The following CCDC148 variants were observed in gnomAD, a reference collection of about 807,000 sequenced individuals.
CCDC148 encodes the protein coiled-coil domain containing 148, also known as coiled-coil domain-containing protein 148.
Under a neutral mutation model 85.7 loss-of-function variants are expected in CCDC148, and 89 were observed. The observed-to-expected ratio is 1.04, with a 90% CI of 0.87 to 1.24. The LOEUF is 1.24. Ranked by LOEUF, CCDC148 falls within the 50% of genes most tolerant of loss-of-function variation. The probability of loss-of-function intolerance (pLI) is 0.00; values close to 1 mark genes in which losing one functional copy is unlikely to be tolerated. For synonymous variants in CCDC148, 230 were observed against 213.9 expected (o/e 1.08, Z -0.66); for missense variants, 692 against 671.7 (o/e 1.03, Z -0.33).
chr2:158,443,517 A>G (rs1688033515), intron 1 of CCDC148, among the ~76,000 whole-genome samples: 1 of 151,248 alleles, frequency 6.6e-6, no homozygotes, highest in South Asian at 2.1e-4. Flanking sequence ...AAAAAAAAAA[A>G]AAAAAAGAAA....
chr2:158,225,034 T>G (rs1687424423), intron 10 of CCDC148, among the ~76,000 whole-genome samples: 1 of 152,188 alleles, frequency 6.6e-6, no homozygotes, highest in South Asian at 2.1e-4. Context: ...TGAAGACCCA[T>G]CAGTGTGCTG....
intron 11 of CCDC148, among the ~76,000 whole-genome samples, chr2:158,196,731 C>T (rs1044122212): frequency 1.3e-5 from 2 of 152,170 alleles, no homozygotes; most frequent in Non-Finnish European, 2.9e-5. Flanking sequence ...AATTTTACGT[C>T]TACTTTTTCT....
chr2:158,181,760 G>A (rs1252370498), intron 11 of CCDC148, among the ~76,000 whole-genome samples: 1 of 152,040 alleles, frequency 6.6e-6, no homozygotes, highest in Non-Finnish European at 1.5e-5. Context: ...GCAAAATAAG[G>A]TGCAGAGGGC....
At chr2:158,260,267 A>T (rs1212421495) in intron 9 of CCDC148, among the ~76,000 whole-genome samples, 1 of 152,002 alleles carries the variant, frequency 6.6e-6, no homozygotes, top group Non-Finnish European at 1.5e-5. Flanking sequence ...AAACCACATG[A>T]TTATCTCAAT....
At chr2:158,358,181 A>G (rs1038163948) in intron 2 of CCDC148, among the ~76,000 whole-genome samples, 1 of 152,192 alleles carries the variant, frequency 6.6e-6, no homozygotes, top group African/African-American at 2.4e-5. Context: ...GAAAGCCAAT[A>G]AAATAACTGT....
intron 9 of CCDC148, among the ~76,000 whole-genome samples, chr2:158,296,221 A>C (rs1230466671): frequency 6.6e-6 from 1 of 152,180 alleles, no homozygotes; most frequent in Non-Finnish European, 1.5e-5. Context: ...ATGTGGGTTT[A>C]TGATCCATTT....
At chr2:158,361,567 C>G (rs1683947874) in intron 1 of CCDC148, among the ~76,000 whole-genome samples, 1 of 152,096 alleles carries the variant, frequency 6.6e-6, no homozygotes, top group Non-Finnish European at 1.5e-5. Flanking sequence ...TCATATCCAG[C>G]CAAACTAAGC....
At chr2:158,226,757 C>A (rs889980869) in intron 10 of CCDC148, among the ~76,000 whole-genome samples, 3 of 152,032 alleles carry the variant, frequency 2.0e-5, no homozygotes, top group Non-Finnish European at 4.4e-5. Flanking sequence ...ATTCAACAGC[C>A]CTTCATGCTA....
chr2:158,282,446 C>G (rs1690371243), intron 9 of CCDC148, among the ~76,000 whole-genome samples: 3 of 152,176 alleles, frequency 2.0e-5, no homozygotes. Context: ...GATACAAAAT[C>G]AATGTACAAA....
intron 1 of CCDC148, among the ~76,000 whole-genome samples, chr2:158,432,367 A>C (rs1687396068): frequency 6.6e-6 from 1 of 152,196 alleles, no homozygotes; most frequent in African/African-American, 2.4e-5. Flanking sequence ...ACAATATGGT[A>C]TTTACAAAAA....
chr2:158,260,861 A>T (rs886768359), intron 9 of CCDC148, among the ~76,000 whole-genome samples: 3 of 152,076 alleles, frequency 2.0e-5, no homozygotes, highest in Non-Finnish European at 4.4e-5. Flanking sequence ...CAAGGAAATC[A>T]GAGTAGACAC....
At chr2:158,349,958 C>A (rs1683178268) in intron 2 of CCDC148, among the ~76,000 whole-genome samples, 1 of 146,072 alleles carries the variant, frequency 6.8e-6, no homozygotes, top group Non-Finnish European at 1.5e-5. Flanking sequence ...GACTGTGAAC[C>A]ATTTTCATTA....
At chr2:158,394,587 C>T (rs1685447724) in intron 1 of CCDC148, among the ~76,000 whole-genome samples, 1 of 151,752 alleles carries the variant, frequency 6.6e-6, no homozygotes, top group Non-Finnish European at 1.5e-5. Context: ...TGAATTCTTC[C>T]AAATTCTCAT....
chr2:158,300,787 T>G (rs937514968), intron 9 of CCDC148, among the ~76,000 whole-genome samples: 8 of 152,304 alleles, frequency 5.3e-5, no homozygotes, highest in South Asian at 2.1e-4. Flanking sequence ...TGGACAGCCA[T>G]GCCAGAAAGT....
intron 10 of CCDC148, among the ~76,000 whole-genome samples, chr2:158,224,705 G>T (rs574562110): frequency 1.3e-5 from 2 of 152,136 alleles, no homozygotes; most frequent in African/African-American, 4.8e-5. Context: ...GCCAAACTAA[G>T]CTTCGTAAGT....
At chr2:158,263,322 G>C (rs765814092) in intron 9 of CCDC148, among the ~76,000 whole-genome samples, 3 of 151,916 alleles carry the variant, frequency 2.0e-5, no homozygotes, top group Non-Finnish European at 4.4e-5. Context: ...TACCTCCCAC[G>C]GAAACTATTG....
At chr2:158,227,706 A>T (rs1236476922) in intron 10 of CCDC148, among the ~76,000 whole-genome samples, 1 of 152,238 alleles carries the variant, frequency 6.6e-6, no homozygotes, top group Non-Finnish European at 1.5e-5. Flanking sequence ...AGAAATGGGG[A>T]AATGATTCCC....
At chr2:158,182,485 C>G (rs973216788) in intron 11 of CCDC148, among the ~76,000 whole-genome samples, 1 of 151,916 alleles carries the variant, frequency 6.6e-6, no homozygotes, top group African/African-American at 2.4e-5. Flanking sequence ...TGAGAACATC[C>G]CACAGAGGTG....
intron 1 of CCDC148, among the ~76,000 whole-genome samples, chr2:158,433,644 C>T (rs1456925219): frequency 1.3e-5 from 2 of 152,122 alleles, no homozygotes; most frequent in Non-Finnish European, 2.9e-5. Context: ...GTGGGTGCAG[C>T]ACACCAAGTG....
Sources: gnomAD v4.1 joint callset for allele counts (sites outside exome capture counted in the v4.1 genomes callset) on GRCh38, gnomAD v4.1.1 for gene constraint, MANE v1.5 for transcripts, NCBI Gene and HGNC (gene_info 2026-07-23, HGNC 2026-07-21) for gene names.